Variants in SGCG observed in about 807,000 individuals in gnomAD.
The protein encoded by SGCG is gamma-sarcoglycan.
A neutral mutation model predicts 29.3 loss-of-function variants in SGCG; 26 were observed. That is an observed-to-expected ratio of 0.89 (90% confidence interval 0.65 to 1.23). The LOEUF (loss-of-function observed/expected upper bound fraction) is 1.23, where lower values mean the gene tolerates loss of function less well. Among genes scored for constraint, SGCG ranks in the 50% most tolerant of loss-of-function variants. The probability of loss-of-function intolerance (pLI) is 0.00; values close to 1 mark genes in which losing one functional copy is unlikely to be tolerated. For synonymous variants in SGCG, 145 were observed against 129.7 expected, an observed-to-expected ratio of 1.12 and a Z score of -0.80; for missense variants, 353 against 356.0, an observed-to-expected ratio of 0.99 and a Z score of 0.07.
intron 4 of SGCG, among the ~76,000 whole-genome samples, chr13:23,265,477 TG>T (rs1880602407): frequency 6.6e-6 from 1 of 152,148 alleles, no homozygotes; most frequent in Non-Finnish European, 1.5e-5. Context: ...CTCAGGAGGC[TG>T]AGGCAGGAGA....
At chr13:23,174,143 A>G in the SGCG span, among the ~76,000 whole-genome samples, 1 of 152,200 alleles carries the variant, frequency 6.6e-6, no homozygotes, top group Admixed American at 6.5e-5. Context: ...CATCAAAGCA[A>G]GGGAGTAAAT....
At chr13:23,281,282 G>A (rs1445666863) in intron 5 of SGCG, among the ~76,000 whole-genome samples, 1 of 151,954 alleles carries the variant, frequency 6.6e-6, no homozygotes. Context: ...AGAGGTTGCA[G>A]TGAGCAGAGA....
chr13:23,275,155 G>A (rs953204008), intron 4 of SGCG, among the ~76,000 whole-genome samples: 8 of 111,166 alleles, frequency 7.2e-5, no homozygotes, highest in Admixed American at 2.6e-4. Context: ...AAATGAGGAC[G>A]TTGTTTAACC....
chr13:23,213,449 T>G (rs1878309755), intron 2 of SGCG, among the ~76,000 whole-genome samples: 1 of 152,132 alleles, frequency 6.6e-6, no homozygotes, highest in African/African-American at 2.4e-5. Context: ...TCCACAGCAC[T>G]CCAGCCTGGG....
At chr13:23,315,493 G>A (rs4769260) in intron 6 of SGCG, among the ~76,000 whole-genome samples, 28,936 of 152,140 alleles carry the variant, frequency 0.19, 3,345 homozygotes, top group Non-Finnish European at 0.25. Flanking sequence ...CTCATGGGGA[G>A]TTCCCTATGA....
At chr13:23,321,238 A>T (rs1883030775) in intron 7 of SGCG, among the ~76,000 whole-genome samples, 1 of 152,194 alleles carries the variant, frequency 6.6e-6, no homozygotes, top group East Asian at 1.9e-4. Flanking sequence ...AACTACAATA[A>T]AGATAAAATC....
intron 2 of SGCG, among the ~76,000 whole-genome samples, chr13:23,211,583 A>G (rs1878214385): frequency 6.6e-6 from 1 of 152,188 alleles, no homozygotes; most frequent in African/African-American, 2.4e-5. Flanking sequence ...AATTGGGAAG[A>G]CGAAATGCCT....
intron 6 of SGCG, among the ~76,000 whole-genome samples, chr13:23,308,418 C>T (rs1019682861): frequency 2.6e-5 from 4 of 152,110 alleles, no homozygotes; most frequent in African/African-American, 4.8e-5. Flanking sequence ...TTAATGGGTG[C>T]CCTATTCTCG....
At chr13:23,291,316 T>C (rs1403104241) in intron 5 of SGCG, among the ~76,000 whole-genome samples, 1 of 151,704 alleles carries the variant, frequency 6.6e-6, no homozygotes, top group Non-Finnish European at 1.5e-5. Context: ...TTAGATTATA[T>C]GACTTCAAAT....
chr13:23,269,189 C>G (rs1202002412), intron 4 of SGCG: 1 of 152,116 alleles, frequency 6.6e-6, no homozygotes, highest in Non-Finnish European at 1.5e-5. Flanking sequence ...AAGGATAATG[C>G]TGAATTTGTG....
intron 4 of SGCG, among the ~76,000 whole-genome samples, chr13:23,258,040 G>C (rs1880268329): frequency 1.3e-5 from 2 of 152,134 alleles, no homozygotes; most frequent in East Asian, 1.9e-4. Context: ...GCTCTTTTTT[G>C]GTTTGACATG....
intron 4 of SGCG, among the ~76,000 whole-genome samples, chr13:23,265,447 C>T (rs968231945): frequency 1.7e-4 from 26 of 152,116 alleles, no homozygotes; most frequent in Admixed American, 4.6e-4. Flanking sequence ...TGCAGTTGCA[C>T]GCACCTGTAG....
chr13:23,253,524 T>A (rs549117081), intron 4 of SGCG, among the ~76,000 whole-genome samples: 1 of 152,332 alleles, frequency 6.6e-6, no homozygotes, highest in South Asian at 2.1e-4. Context: ...TTTGCCAATT[T>A]GGGTATTAAA....
In SGCG at chr13:23,283,547, C is replaced by T. The variant is rs375632682; in HGVS notation, c.505+4069C>T. Among the ~76,000 whole-genome samples, 9 of 152,218 alleles carry T rather than the reference C, an allele frequency of 5.9e-5. No individual in the cohort carries two copies. The South Asian group carries it at 1.9e-3, about 32-fold the overall frequency. ...GATGTGTCTCCTGAACATAGCCCAT[C>T]AATGGGTTTTGACTCTATCCAGTTT... On this transcript the variant is annotated intron_variant, in intron 5 of 7. Transcript: ENST00000218867.
intron 4 of SGCG, among the ~76,000 whole-genome samples, chr13:23,251,662 A>G (rs938252953): frequency 3.3e-5 from 5 of 152,150 alleles, no homozygotes; most frequent in African/African-American, 1.2e-4. Flanking sequence ...AGTCGCAGCT[A>G]CTGGGGAGTC....
chr13:23,276,356 C>T (rs1393412170), intron 4 of SGCG, among the ~76,000 whole-genome samples: 2 of 151,464 alleles, frequency 1.3e-5, no homozygotes, highest in East Asian at 3.9e-4. Context: ...TGCCTTTGCT[C>T]AAGTAGTTTC....
chr13:23,282,302 C>T (rs956158332), intron 5 of SGCG, among the ~76,000 whole-genome samples: 2 of 152,174 alleles, frequency 1.3e-5, no homozygotes, highest in African/African-American at 4.8e-5. Context: ...TTGTGTAGTG[C>T]AGGCTTTGTC....
chr13:23,232,781 C>G (rs1879160260), intron 2 of SGCG, among the ~76,000 whole-genome samples: 2 of 151,388 alleles, frequency 1.3e-5, no homozygotes, highest in Admixed American at 6.6e-5. Context: ...GACTCCATCT[C>G]AAAAAAAAGA....
chr13:23,275,420 T>C (rs1881034708), intron 4 of SGCG, among the ~76,000 whole-genome samples: 1 of 151,680 alleles, frequency 6.6e-6, no homozygotes, highest in African/African-American at 2.4e-5. Flanking sequence ...GGAGAATCGC[T>C]TGAACCCGGG....
Sources: allele counts gnomAD v4.1 joint callset (sites outside exome capture counted in the v4.1 genomes callset), GRCh38; gene constraint gnomAD v4.1.1; transcripts MANE v1.5; gene names NCBI Gene and HGNC (gene_info 2026-07-23, HGNC 2026-07-21).